The following LARGE1 variants were observed in gnomAD, a reference collection of about 807,000 sequenced individuals.
LARGE1 encodes LARGE xylosyl- and glucuronyltransferase 1, also known as xylosyl- and glucuronyltransferase LARGE1.
In LARGE1, 43 loss-of-function variants were observed where a neutral mutation model predicts 87.6. The ratio of observed to expected loss-of-function variants is 0.49; its 90% CI spans 0.38 to 0.63. The LOEUF (loss-of-function observed/expected upper bound fraction) is 0.63, where lower values mean the gene tolerates loss of function less well. Ranked by LOEUF, LARGE1 falls within the 30% of genes least tolerant of loss-of-function variation. The pLI is 0.00. For synonymous variants in LARGE1, 434 were observed against 394.6 expected (o/e 1.10, Z -1.18); for missense variants, 802 against 1,000.2 (o/e 0.80, Z 2.67).
At chr22:33,191,204 A>G (rs1379703325) in intron 11 of LARGE1, among the ~76,000 whole-genome samples, 1 of 152,220 alleles carries the variant, frequency 6.6e-6, no homozygotes, top group Non-Finnish European at 1.5e-5. Flanking sequence ...TACATAAAAT[A>G]GAGAGTTAAA....
chr22:33,525,124 T>C lies in LARGE1; in HGVS notation c.787+39724A>G, dbSNP rs2071817064. On this transcript the variant is annotated intron_variant, in intron 6 of 14. Coordinates refer to ENST00000397394, the MANE Select transcript of LARGE1 (RefSeq NM_133642.5). ...CTCATGGCTTACTCAAGTCAAGTGA[T>C]AATTAGGGCACGGAGGAAGGAGGAA... Among the ~76,000 whole-genome samples, 3 of 152,192 alleles carry C rather than the reference T, an allele frequency of 2.0e-5. 1 individual carries two copies. In the South Asian group the frequency reaches 6.2e-4, roughly 32 times the overall value.
chr22:33,214,771 A>T (rs1035519196), intron 11 of LARGE1, among the ~76,000 whole-genome samples: 1 of 152,162 alleles, frequency 6.6e-6, no homozygotes, highest in Non-Finnish European at 1.5e-5. Context: ...TTCACATGAA[A>T]TTATCTGTTT....
At chr22:33,135,319 C>A in the LARGE1 span, among the ~76,000 whole-genome samples, 25 of 152,240 alleles carry the variant, frequency 1.6e-4, no homozygotes, top group African/African-American at 5.8e-4. Context: ...CACTGGATAT[C>A]CAGGTGTTGT....
chr22:33,916,694 G>C (rs988191089), intron 1 of LARGE1, among the ~76,000 whole-genome samples: 3 of 152,100 alleles, frequency 2.0e-5, no homozygotes, highest in African/African-American at 7.2e-5. Flanking sequence ...TCCTTTCTGA[G>C]AATCTCTAGC....
the LARGE1 span, among the ~76,000 whole-genome samples, chr22:33,079,730 G>A: frequency 1.3e-5 from 2 of 152,136 alleles, no homozygotes; most frequent in African/African-American, 4.8e-5. Context: ...CAATAAATGA[G>A]TTGTCCATTC....
intron 9 of LARGE1, among the ~76,000 whole-genome samples, chr22:33,352,764 G>T (rs1441070181): frequency 6.6e-6 from 1 of 151,844 alleles, no homozygotes; most frequent in African/African-American, 2.4e-5. Context: ...TCCATTCCCC[G>T]ACCCCCACCA....
chr22:33,364,673 C>T (rs1230138087), intron 9 of LARGE1, among the ~76,000 whole-genome samples: 1 of 152,142 alleles, frequency 6.6e-6, no homozygotes, highest in Non-Finnish European at 1.5e-5. Context: ...TGGCTTAGGT[C>T]ACTAAGCATA....
chr22:33,731,518 G>A (rs16992910), intron 2 of LARGE1, among the ~76,000 whole-genome samples: 6,967 of 152,242 alleles, frequency 0.046, 253 homozygotes, highest in East Asian at 0.21. Context: ...TTTGAAGAGC[G>A]TGTAATAACA....
chr22:33,840,606 C>G (rs566811170), intron 1 of LARGE1, among the ~76,000 whole-genome samples: 1 of 152,022 alleles, frequency 6.6e-6, no homozygotes, highest in East Asian at 1.9e-4. Context: ...TTCATCTTTA[C>G]AGCAACCCTA....
chr22:33,469,594 G>A (rs916454646), intron 6 of LARGE1, among the ~76,000 whole-genome samples: 3 of 152,094 alleles, frequency 2.0e-5, no homozygotes, highest in African/African-American at 7.2e-5. Context: ...GGAGGCCGAG[G>A]TGGGTGGATC....
At chr22:33,519,227 TGCGC>T (rs1555943708) in intron 6 of LARGE1, among the ~76,000 whole-genome samples, 67 of 136,328 alleles carry the variant, frequency 4.9e-4, no homozygotes, top group African/African-American at 1.4e-3. Flanking sequence ...GCTGCGTGCG[TGCGC>T]GCGCGTGTGT....
chr22:33,502,642 C>T (rs1181914335), intron 6 of LARGE1, among the ~76,000 whole-genome samples: 1 of 151,792 alleles, frequency 6.6e-6, no homozygotes, highest in Non-Finnish European at 1.5e-5. Context: ...GATCTCGGCT[C>T]ACTGCAAGCT....
At chr22:33,726,890 A>G (rs2083286781) in intron 2 of LARGE1, among the ~76,000 whole-genome samples, 1 of 149,672 alleles carries the variant, frequency 6.7e-6, no homozygotes, top group Non-Finnish European at 1.5e-5. Context: ...TCTCTGCTCA[A>G]TAAATCCTGA....
At chr22:33,843,288 T>C (rs970264124) in intron 1 of LARGE1, among the ~76,000 whole-genome samples, 1 of 151,872 alleles carries the variant, frequency 6.6e-6, no homozygotes, top group African/African-American at 2.4e-5. Context: ...ATTGGCACTT[T>C]GGGCCAGGCA....
intron 6 of LARGE1, among the ~76,000 whole-genome samples, chr22:33,526,143 C>T (rs149729521): frequency 6.6e-6 from 1 of 152,024 alleles, no homozygotes; most frequent in African/African-American, 2.4e-5. Context: ...ATGGACTAAC[C>T]TTGAAAACAT....
intron 4 of LARGE1, among the ~76,000 whole-genome samples, chr22:33,614,860 C>G (rs2079538893): frequency 7.1e-6 from 1 of 141,350 alleles, no homozygotes; most frequent in Non-Finnish European, 1.5e-5. Context: ...TTACTCTCTA[C>G]AACCCCAGCG....
In LARGE1 at chr22:33,726,743, C is replaced by G. The variant is rs570509758; in HGVS notation, c.106+34628G>C. On this transcript the variant is annotated intron_variant, in intron 2 of 14. Coordinates refer to ENST00000397394, the MANE Select transcript of LARGE1 (RefSeq NM_133642.5). ...GCCAGCCCCAAGGTGGGCAATTTCCCTACTGCACAGATGGGGCACTACACT... is the reference window on the plus strand; with the variant it reads ...GCCAGCCCCAAGGTGGGCAATTTCCGTACTGCACAGATGGGGCACTACACT... Among the ~76,000 whole-genome samples, 5 of 152,248 alleles carry G rather than the reference C, an allele frequency of 3.3e-5. No homozygotes were observed. In the East Asian group the frequency reaches 7.7e-4, roughly 24 times the overall value.
intron 6 of LARGE1, among the ~76,000 whole-genome samples, chr22:33,550,403 C>T (rs1051155128): frequency 3.3e-5 from 5 of 152,074 alleles, no homozygotes; most frequent in Admixed American, 1.3e-4. Context: ...GATATTTTTG[C>T]GTGTCATAGC....
At chr22:33,818,424 CAG>C (rs2086721133) in intron 1 of LARGE1, among the ~76,000 whole-genome samples, 1 of 151,668 alleles carries the variant, frequency 6.6e-6, no homozygotes, top group Non-Finnish European at 1.5e-5. Context: ...AAATATAGGA[CAG>C]GGGAAGGAAG....
Sources: allele counts gnomAD v4.1 joint callset (sites outside exome capture counted in the v4.1 genomes callset), GRCh38; gene constraint gnomAD v4.1.1; transcripts MANE v1.5; gene names NCBI Gene and HGNC (gene_info 2026-07-23, HGNC 2026-07-21).